ADGRL3: variants seen among roughly 807,000 people sequenced by gnomAD.
ADGRL3 encodes adhesion G protein-coupled receptor L3.
Under a neutral mutation model 153.5 loss-of-function variants are expected in ADGRL3, and 62 were observed. That is an observed-to-expected ratio of 0.40 (90% CI 0.33 to 0.50). ADGRL3 has a LOEUF of 0.50. ADGRL3 is among the 20% of genes least tolerant of loss of function. The pLI is 0.47. For missense variants in ADGRL3, 1,641 were observed against 1,859.4 expected (o/e 0.88, Z 2.16); for synonymous variants, 710 against 672.5 (o/e 1.06, Z -0.86).
chr4:61,907,998 G>T (rs986972494), intron 11 of ADGRL3, among the ~76,000 whole-genome samples: 1 of 152,130 alleles, frequency 6.6e-6, no homozygotes, highest in African/African-American at 2.4e-5. Flanking sequence ...GTTAAAGTTT[G>T]AAAAGATACA....
chr4:61,537,425 G>T (rs2098663727), intron 4 of ADGRL3, among the ~76,000 whole-genome samples: 1 of 151,684 alleles, frequency 6.6e-6, no homozygotes, highest in Non-Finnish European at 1.5e-5. Flanking sequence ...TACCTCTCTG[G>T]CAAGATTACA....
chr4:61,581,630 G>C (rs1164213094), intron 4 of ADGRL3, among the ~76,000 whole-genome samples: 1 of 151,908 alleles, frequency 6.6e-6, no homozygotes, highest in Non-Finnish European at 1.5e-5. Context: ...CTAGGTTATC[G>C]TTATCTACTT....
chr4:61,718,343 T>C (rs998147563), intron 6 of ADGRL3, among the ~76,000 whole-genome samples: 1 of 152,172 alleles, frequency 6.6e-6, no homozygotes, highest in Non-Finnish European at 1.5e-5. Context: ...ATTTATTTAA[T>C]AAATTGAAAA....
At chr4:61,955,289 A>G (rs183457999) in intron 17 of ADGRL3, among the ~76,000 whole-genome samples, 1 of 152,228 alleles carries the variant, frequency 6.6e-6, no homozygotes, top group East Asian at 1.9e-4. Context: ...ATATACTTTA[A>G]ATTAGACTTA....
At chr4:61,441,077 C>A (rs2097523716) in intron 2 of ADGRL3, among the ~76,000 whole-genome samples, 1 of 152,060 alleles carries the variant, frequency 6.6e-6, no homozygotes, top group Non-Finnish European at 1.5e-5. Context: ...TCAAACTGAC[C>A]CATTCTCATG....
chr4:61,326,911 T>C (rs912886692), intron 1 of ADGRL3, among the ~76,000 whole-genome samples: 2 of 151,962 alleles, frequency 1.3e-5, no homozygotes, highest in Non-Finnish European at 1.5e-5. Context: ...AGAGTTATTA[T>C]GGTCCACAAT....
intron 17 of ADGRL3, among the ~76,000 whole-genome samples, chr4:61,963,249 ATTTTT>A (rs892337448): frequency 2.7e-5 from 4 of 145,708 alleles, no homozygotes; most frequent in African/African-American, 1.0e-4. Flanking sequence ...TACTATGACT[ATTTTT>A]TTTTTCCTTT....
chr4:61,442,378 C>T (rs1221180951), intron 2 of ADGRL3, among the ~76,000 whole-genome samples: 6 of 152,012 alleles, frequency 3.9e-5, no homozygotes, highest in African/African-American at 4.8e-5. Context: ...AATGACTAGA[C>T]GTTAGTTTGA....
At chr4:61,406,042 T>A (rs575991560) in intron 2 of ADGRL3, among the ~76,000 whole-genome samples, 21 of 152,126 alleles carry the variant, frequency 1.4e-4, no homozygotes, top group African/African-American at 4.8e-4. Flanking sequence ...ACTGAAGTGA[T>A]AAAAACATTC....
At chr4:62,010,628 C>G (rs996238187) in intron 21 of ADGRL3, among the ~76,000 whole-genome samples, 1 of 151,938 alleles carries the variant, frequency 6.6e-6, no homozygotes, top group Admixed American at 6.6e-5. Context: ...TTTAAAAAAT[C>G]AAGTCTAATA....
intron 9 of ADGRL3, among the ~76,000 whole-genome samples, chr4:61,857,001 T>C (rs1309128583): frequency 3.4e-5 from 4 of 118,156 alleles, no homozygotes; most frequent in African/African-American, 1.4e-4. Context: ...TCTTTCTTTC[T>C]TTCTTTCTTT....
chr4:61,662,495 G>GC (rs1275607489), intron 5 of ADGRL3, among the ~76,000 whole-genome samples: 1 of 152,170 alleles, frequency 6.6e-6, no homozygotes, highest in East Asian at 1.9e-4. Flanking sequence ...TGCTGCCTTG[G>GC]CCCCCTCCAG....
At chr4:62,036,830 G>A (rs553159379) in intron 23 of ADGRL3, among the ~76,000 whole-genome samples, 54 of 151,900 alleles carry the variant, frequency 3.6e-4, no homozygotes, top group African/African-American at 1.2e-3. Flanking sequence ...TCCCTTTGTT[G>A]TTATTGGTAA....
intron 2 of ADGRL3, among the ~76,000 whole-genome samples, chr4:61,394,636 C>A (rs2096849592): frequency 6.6e-6 from 1 of 151,704 alleles, no homozygotes; most frequent in Non-Finnish European, 1.5e-5. Context: ...AGTTGTTTTC[C>A]CTTGATTTCT....
chr4:61,782,169 G>A (rs1450797054), intron 8 of ADGRL3, among the ~76,000 whole-genome samples: 1 of 152,116 alleles, frequency 6.6e-6, no homozygotes, highest in African/African-American at 2.4e-5. Context: ...AACATTGATT[G>A]CATCCTAAAT....
chr4:61,962,428 A>G (rs1188301760), intron 17 of ADGRL3, among the ~76,000 whole-genome samples: 3 of 152,134 alleles, frequency 2.0e-5, no homozygotes, highest in African/African-American at 7.2e-5. Context: ...TTGTTTTTTC[A>G]AGCAGGACCC....
At chr4:61,988,581 G>A (rs935195423) in intron 19 of ADGRL3, among the ~76,000 whole-genome samples, 1 of 152,116 alleles carries the variant, frequency 6.6e-6, no homozygotes, top group African/African-American at 2.4e-5. Context: ...TTTATGACCT[G>A]AAACTAATCA....
chr4:61,928,894 G>T (rs1356280332), intron 13 of ADGRL3, among the ~76,000 whole-genome samples: 2 of 152,074 alleles, frequency 1.3e-5, no homozygotes, highest in Non-Finnish European at 2.9e-5. Context: ...ACTTACCTTT[G>T]TGTGATAAAT....
At chr4:61,838,550 A>G (rs1158716543) in intron 9 of ADGRL3, among the ~76,000 whole-genome samples, 3 of 152,198 alleles carry the variant, frequency 2.0e-5, no homozygotes, top group African/African-American at 7.2e-5. Context: ...ACATTTGAAC[A>G]TGTATGATTG....
Sources: gnomAD v4.1 joint callset for allele counts (sites outside exome capture counted in the v4.1 genomes callset) on GRCh38, gnomAD v4.1.1 for gene constraint, MANE v1.5 for transcripts, NCBI Gene and HGNC (gene_info 2026-07-23, HGNC 2026-07-21) for gene names.